MIF: variants seen among roughly 807,000 people sequenced by gnomAD.
MIF encodes macrophage migration inhibitory factor.
In MIF, 16 loss-of-function variants were observed where a neutral mutation model predicts 11.3. That is an observed-to-expected ratio of 1.42 (90% CI 0.96 to 2.16). The LOEUF (loss-of-function observed/expected upper bound fraction) is 2.16, where lower values mean the gene tolerates loss of function less well. MIF is among the 30% of genes most tolerant of loss of function. MIF has a pLI of 0.00. For missense variants in MIF, 229 were observed against 165.3 expected (o/e 1.39, Z -2.11); for synonymous variants, 83 against 74.2 (o/e 1.12, Z -0.61).
At chr22:23,894,731 C>G (rs1420854671) in intron 1 of MIF, 41 bp from the exon 2 acceptor site, 5 of 1,488,088 alleles carry the variant, frequency 3.4e-6, no homozygotes, top group Non-Finnish European at 4.5e-6. Flanking sequence ...CGGGGCCCGA[C>G]GAGGTCGCTG....
chr22:23,894,774 C>T lies in MIF; in HGVS notation c.111C>T (p.Tyr37=), dbSNP rs922297569. ...LAQATGKPPQ[Y]IAVHVVPDQL... is the part of the protein sequence containing the mutation. ...CTGACCGCGCCCTTTCCTCGCAGTA[C>T]ATCGCGGTGCACGTGGTCCCGGACC... The change falls in exon 2 of 3, where the codon TAC becomes TAT. Residue 37 remains tyrosine, a splice_region_variant and synonymous_variant. Transcript: ENST00000215754. The T allele has an allele frequency of 1.3e-6, 2 of 1,536,334 alleles. No homozygotes were observed. Among genetic ancestry groups the T allele is most frequent in the Non-Finnish European group, 1.7e-6 (2 of 1,143,918 alleles).
chr22:23,894,594 G>A lies in MIF; in HGVS notation c.108+12G>A. 2.5e-6 allele frequency: 4 copies of A among 1,610,898 alleles called. No individual in the cohort carries two copies. The highest frequency in any genetic ancestry group is 1.3e-5 in the African/African-American group (1 of 74,970). On this transcript the variant is annotated intron_variant, in intron 1 of 2. Transcript: ENST00000215754. ...GCAAGCCCCCCCAGGTTTGCCGGGA[G>A]GGGACAGGAAGAGGGGGGTGCCCAC...
chr22:23,894,575 C>A lies in MIF; in HGVS notation c.101C>A (p.Pro34His), dbSNP rs1302509466. Residue 34 changes from proline (P) to histidine (H), a missense_variant, in exon 1 of 3, where the codon CCC becomes CAC. Pro to His is a moderately conservative substitution (Grantham distance 77). Transcript: ENST00000215754. Reference sequence around the variant, plus strand: ...CAGCTGGCGCAGGCCACCGGCAAGCCCCCCCAGGTTTGCCGGGAGGGGACA... The same window carrying A: ...CAGCTGGCGCAGGCCACCGGCAAGCACCCCCAGGTTTGCCGGGAGGGGACA... ...TQQLAQATGKPPQYIAVHVVP... is the reference protein window; with the variant it reads ...TQQLAQATGKHPQYIAVHVVP... The A allele has an allele frequency of 5.0e-6, 8 of 1,612,556 alleles. No homozygotes were observed. The highest frequency in any genetic ancestry group is 2.2e-5 in the South Asian group (2 of 91,038).
Position 23,894,527 on chromosome 22 carries a change from G to A in MIF, c.53G>A (p.Gly18Glu), listed in dbSNP as rs1228591123. ...GTGCCCCGCGCCTCCGTGCCGGACG[G>A]GTTCCTCTCCGAGCTCACCCAGCAG... Reference protein sequence around the residue: ...TNVPRASVPDGFLSELTQQLA... With the variant: ...TNVPRASVPDEFLSELTQQLA... Residue 18 changes from glycine (G) to glutamate (E), a missense_variant, in exon 1 of 3, where the codon GGG becomes GAG. Coordinates refer to ENST00000215754, the MANE Select transcript of MIF (RefSeq NM_002415.2). 1 of 1,613,122 alleles carries A rather than the reference G, an allele frequency of 6.2e-7. No homozygotes were observed. Among genetic ancestry groups the A allele is most frequent in the Non-Finnish European group, 8.5e-7 (1 of 1,179,832 alleles).
rs2033130289 is a variant in MIF, at chr22:23,894,947, ACGCGGAGT to A, written c.281+11_281+18del. On this transcript the variant is annotated splice_donor_5th_base_variant and intron_variant, in intron 2 of 2. Coordinates refer to ENST00000215754, the MANE Select transcript of MIF (RefSeq NM_002415.2). Reference sequence around the variant, plus strand: ...CGCCTGCGCATCAGCCCGGACAGGTACGCGGAGTCGCGGAGGGGCGGGGGAGGGGCGGC... The same window carrying A: ...CGCCTGCGCATCAGCCCGGACAGGTACGCGGAGGGGCGGGGGAGGGGCGGC... 9 of 1,551,572 alleles carry A rather than the reference ACGCGGAGT, an allele frequency of 5.8e-6. No individual in the cohort carries two copies. Among genetic ancestry groups the A allele is most frequent in the Admixed American group, 1.9e-5 (1 of 51,284 alleles).
chr22:23,894,426 G>A lies in MIF; in HGVS notation c.-49G>A, dbSNP rs1459583508. 4.0e-6 allele frequency: 6 copies of A among 1,482,580 alleles called. No individual in the cohort carries two copies. The highest frequency in any genetic ancestry group is 1.7e-4 in the Middle Eastern group (1 of 5,854). The allele number at this position is 1,482,580 out of a possible 1,614,324, so 91.8% of individuals were successfully genotyped here. A position where few individuals can be genotyped will look rare whatever the true frequency, so the allele number is the denominator to read the frequency against. On this transcript the variant is annotated 5_prime_UTR_variant, in exon 1 of 3. Coordinates refer to ENST00000215754, the MANE Select transcript of MIF (RefSeq NM_002415.2). Reference sequence around the variant, plus strand: ...AGGCACGTAGCTCAGCGGCGGCCGCGGCGCGTGCGTCTGTGCCTCTGCGCG... The same window carrying A: ...AGGCACGTAGCTCAGCGGCGGCCGCAGCGCGTGCGTCTGTGCCTCTGCGCG...
chr22:23,894,753 C>G lies in MIF; in HGVS notation c.109-19C>G. 6.6e-7 allele frequency: 1 copy of G among 1,510,204 alleles called. No homozygotes were observed. Among genetic ancestry groups the G allele is most frequent in the Non-Finnish European group, 8.8e-7 (1 of 1,131,158 alleles). The allele number at this position is 1,510,204 out of a possible 1,614,324, so 93.6% of individuals were successfully genotyped here. ...CGACGAGGTCGCTGGGGCGGGCTGA[C>G]CGCGCCCTTTCCTCGCAGTACATCG... On this transcript the variant is annotated intron_variant, in intron 1 of 2. Coordinates refer to ENST00000215754, the MANE Select transcript of MIF (RefSeq NM_002415.2).
intron 1 of MIF, 63 bp downstream of exon 1, chr22:23,894,645 C>G: frequency 1.6e-6 from 2 of 1,234,730 alleles, no homozygotes; most frequent in Non-Finnish European, 2.2e-6. Context: ...GCGCTGGGAG[C>G]TGGGGAGGCG....
In MIF at chr22:23,895,030, C is replaced by A. The variant is rs200015979; in HGVS notation, c.282-10C>A. The A allele has an allele frequency of 1.3e-5, 20 of 1,544,330 alleles. No homozygotes were observed. Among genetic ancestry groups the A allele is most frequent in the African/African-American group, 1.2e-4 (9 of 73,116 alleles). Reference sequence around the variant, plus strand: ...AGCCACCCGCTGAGTCCGGCCTCCTCCCCCCGCAGGGTCTACATCAACTAT... The same window carrying A: ...AGCCACCCGCTGAGTCCGGCCTCCTACCCCCGCAGGGTCTACATCAACTAT... On this transcript the variant is annotated splice_polypyrimidine_tract_variant and intron_variant, in intron 2 of 2. Coordinates refer to ENST00000215754, the MANE Select transcript of MIF (RefSeq NM_002415.2).
At position 23,894,921 on chromosome 22, in the gene MIF, G is replaced by A. The variant is rs201099096; in HGVS notation, c.258G>A (p.Glu86=). Residue 86 remains glutamate, a synonymous_variant, in exon 2 of 3, where the codon GAG becomes GAA. Coordinates refer to ENST00000215754, the MANE Select transcript of MIF (RefSeq NM_002415.2). The part of the protein sequence containing the change: ...YSKLLCGLLA[E]RLRISPDRVY... ...AGCTGCTGTGCGGCCTGCTGGCCGA[G>A]CGCCTGCGCATCAGCCCGGACAGGT... is the stretch of plus-strand genomic sequence containing the variant. The A allele has an allele frequency of 1.4e-3, 2,183 of 1,553,942 alleles. 20 individuals are homozygous for A. Among genetic ancestry groups the A allele is most frequent in the Middle Eastern group, 0.01 (59 of 5,878 alleles).
At position 23,894,520 on chromosome 22, in the gene MIF, C is replaced by T; in HGVS notation, c.46C>T (p.Pro16Ser). 2 of 1,613,266 alleles carry T rather than the reference C, an allele frequency of 1.2e-6. No individual in the cohort carries two copies. The highest frequency in any genetic ancestry group is 1.7e-6 in the Non-Finnish European group (2 of 1,179,828). Residue 16 changes from proline to serine, a missense_variant, in exon 1 of 3, where the codon CCG becomes TCG. By Grantham distance (74) the Pro-to-Ser change is moderately conservative. Coordinates refer to ENST00000215754, the MANE Select transcript of MIF (RefSeq NM_002415.2). ...CACCAACGTGCCCCGCGCCTCCGTG[C>T]CGGACGGGTTCCTCTCCGAGCTCAC... ...VNTNVPRASV[P>S]DGFLSELTQQ... is the part of the protein sequence containing the mutation.
chr22:23,894,984 G>A (rs765920143), intron 2 of MIF, 40 bp downstream of exon 2: 92 of 1,542,540 alleles, frequency 6.0e-5, no homozygotes, highest in Admixed American at 2.0e-5. Flanking sequence ...GGGCGGCGGC[G>A]CGCGGCCAGG....
chr22:23,895,106 A>G lies in MIF; in HGVS notation c.348A>G (p.Ter116=). The G allele has an allele frequency of 6.4e-7, 1 of 1,554,840 alleles. No individual in the cohort carries two copies. The highest frequency in any genetic ancestry group is 1.2e-5 in the South Asian group (1 of 84,356). ...GCTGGAACAACTCCACCTTCGCCTAAGAGCCGCAGGGACCCACGCTGTCTG... is the reference window on the plus strand; with the variant it reads ...GCTGGAACAACTCCACCTTCGCCTAGGAGCCGCAGGGACCCACGCTGTCTG... The part of the protein sequence containing the change: ...NVGWNNSTFA[*] The change falls in exon 3 of 3, where the codon TAA becomes TAG. Residue 116 remains the stop codon, a stop_retained_variant. Transcript: ENST00000215754.
rs766149743 is a variant in MIF, at chr22:23,894,751, GA to G, written c.109-20del. Reference sequence around the variant, plus strand: ...CCCGACGAGGTCGCTGGGGCGGGCTGACCGCGCCCTTTCCTCGCAGTACATC... The same window carrying G: ...CCCGACGAGGTCGCTGGGGCGGGCTGCCGCGCCCTTTCCTCGCAGTACATC... On this transcript the variant is annotated intron_variant, in intron 1 of 2. Transcript: ENST00000215754. 6.6e-7 allele frequency: 1 copy of G among 1,507,638 alleles called. No individual in the cohort carries two copies. The highest frequency in any genetic ancestry group is 1.2e-5 in the South Asian group (1 of 80,712). 93.4% of individuals were successfully genotyped at this position (1,507,638 alleles called of 1,614,324 possible).
At chr22:23,894,991 C>T (rs1470830055) in intron 2 of MIF, 47 bp downstream of exon 2, 1 of 1,542,250 alleles carries the variant, frequency 6.5e-7, no homozygotes, top group Non-Finnish European at 8.7e-7. Context: ...GGCGCGCGGC[C>T]AGGCCCGGGA....
chr22:23,894,516 C>T lies in MIF; in HGVS notation c.42C>T (p.Ser14=). The stretch of plus-strand genomic sequence containing the variant: ...TAAACACCAACGTGCCCCGCGCCTC[C>T]GTGCCGGACGGGTTCCTCTCCGAGC... ...FIVNTNVPRA[S]VPDGFLSELT... Residue 14 remains serine, a synonymous_variant, in exon 1 of 3, where the codon TCC becomes TCT. Transcript: ENST00000215754. The T allele has an allele frequency of 6.2e-7, 1 of 1,613,258 alleles. No individual in the cohort carries two copies. Among genetic ancestry groups the T allele is most frequent in the East Asian group, 2.2e-5 (1 of 44,866 alleles).
At chr22:23,894,746 G>A in intron 1 of MIF, 26 bp from the exon 2 acceptor site, 1 of 1,500,606 alleles carries the variant, frequency 6.7e-7, no homozygotes, top group South Asian at 1.3e-5. Flanking sequence ...TCGCTGGGGC[G>A]GGCTGACCGC....
In MIF at chr22:23,894,411, C is replaced by T; in HGVS notation, c.-64C>T. 3 of 1,360,996 alleles carry T rather than the reference C, an allele frequency of 2.2e-6. No homozygotes were observed. The highest frequency in any genetic ancestry group is 2.1e-6 in the Non-Finnish European group (2 of 953,478). The allele number at this position is 1,360,996 out of a possible 1,614,324, so 84.3% of individuals were successfully genotyped here. A position where few individuals can be genotyped will look rare whatever the true frequency, so the allele number is the denominator to read the frequency against. On this transcript the variant is annotated 5_prime_UTR_variant, in exon 1 of 3. Coordinates refer to ENST00000215754, the MANE Select transcript of MIF (RefSeq NM_002415.2). ...GGTGTCCGAGAAGTCAGGCACGTAGCTCAGCGGCGGCCGCGGCGCGTGCGT... is the reference window on the plus strand; with the variant it reads ...GGTGTCCGAGAAGTCAGGCACGTAGTTCAGCGGCGGCCGCGGCGCGTGCGT...
intron 2 of MIF, 40 bp from the exon 3 acceptor site, chr22:23,895,000 G>T: frequency 1.3e-6 from 2 of 1,541,776 alleles, no homozygotes; most frequent in Middle Eastern, 1.8e-4. Flanking sequence ...CCAGGCCCGG[G>T]ACTGAGCCAC....
Sources: allele counts gnomAD v4.1 joint callset, GRCh38; gene constraint gnomAD v4.1.1; transcripts MANE v1.5; gene names NCBI Gene and HGNC (gene_info 2026-07-23, HGNC 2026-07-21).